The following HSPG2 variants were observed in gnomAD, a reference collection of about 807,000 sequenced individuals.
HSPG2 encodes heparan sulfate proteoglycan 2, also known as basement membrane-specific heparan sulfate proteoglycan core protein.
Under a neutral mutation model 526.6 loss-of-function variants are expected in HSPG2, and 278 were observed. That is an observed-to-expected ratio of 0.53 (90% CI 0.48 to 0.58). HSPG2 has a LOEUF of 0.58. HSPG2 is among the 20% of genes least tolerant of loss of function. The probability of loss-of-function intolerance (pLI) is 0.00; values close to 1 mark genes in which losing one functional copy is unlikely to be tolerated. For synonymous variants in HSPG2, 2,465 were observed against 2,555.4 expected, an observed-to-expected ratio of 0.96 and a Z score of 1.07; for missense variants, 5,354 against 6,099.5, an observed-to-expected ratio of 0.88 and a Z score of 4.07.
intron 1 of HSPG2, among the ~76,000 whole-genome samples, chr1:21,931,335 G>A (rs1327687583): frequency 6.6e-6 from 1 of 152,258 alleles, no homozygotes; most frequent in African/African-American, 2.4e-5. Context: ...AGCCAGCTCT[G>A]GGTGCTGGGG....
At chr1:21,935,330 A>T (rs1644460970) in intron 1 of HSPG2, among the ~76,000 whole-genome samples, 1 of 152,190 alleles carries the variant, frequency 6.6e-6, no homozygotes, top group Non-Finnish European at 1.5e-5. Flanking sequence ...CTCTAATCCC[A>T]CAGGATTGGA....
At chr1:21,926,650 C>A (rs986673674) in intron 1 of HSPG2, among the ~76,000 whole-genome samples, 1 of 150,314 alleles carries the variant, frequency 6.7e-6, no homozygotes, top group Admixed American at 6.7e-5. Context: ...ATCCCTGCTA[C>A]CAGGGAGGCT....
intron 13 of HSPG2, 43 bp downstream of exon 13, chr1:21,884,485 C>A (rs971646774): frequency 6.8e-6 from 11 of 1,609,954 alleles, no homozygotes; most frequent in Non-Finnish European, 9.3e-6. Context: ...ACAGAGGTAC[C>A]CACCTCCCAC....
At chr1:21,878,093 G>T in intron 21 of HSPG2, 93 bp downstream of exon 21, 1 of 1,188,922 alleles carries the variant, frequency 8.4e-7, no homozygotes, top group Non-Finnish European at 1.2e-6. Flanking sequence ...CACTGGCCAA[G>T]GATCTATGGA....
rs928231983 is a variant in HSPG2, at chr1:21,918,186, C to T, written c.63+18969G>A. Reference sequence around the variant, plus strand: ...ACCTCTGTAAAATGGGACAACAGGCCGTGTGCAGTTGCTCACGTCTGTAAT... The same window carrying T: ...ACCTCTGTAAAATGGGACAACAGGCTGTGTGCAGTTGCTCACGTCTGTAAT... On this transcript the variant is annotated intron_variant, in intron 1 of 96. Transcript: ENST00000374695. Among the ~76,000 whole-genome samples, 5 of 152,224 alleles carry T rather than the reference C, an allele frequency of 3.3e-5. No individual in the cohort carries two copies. In the East Asian group the frequency reaches 7.7e-4, roughly 24 times the overall value.
At chr1:21,856,005 C>G in intron 44 of HSPG2, 93 bp from the exon 45 acceptor site, 1 of 1,541,592 alleles carries the variant, frequency 6.5e-7, no homozygotes. Flanking sequence ...TGCTTCCAGG[C>G]TAGCCCTCCA....
At chr1:21,886,820 T>C (rs1246662326) in intron 9 of HSPG2, among the ~76,000 whole-genome samples, 2 of 152,062 alleles carry the variant, frequency 1.3e-5, no homozygotes, top group African/African-American at 4.8e-5. Context: ...CTGACTTGCA[T>C]ACATACACCA....
chr1:21,914,066 T>C (rs1300693936), intron 1 of HSPG2, among the ~76,000 whole-genome samples: 2 of 152,104 alleles, frequency 1.3e-5, no homozygotes, highest in African/African-American at 4.8e-5. Flanking sequence ...CTATTAGGTA[T>C]TGGGAAGTAT....
In HSPG2 at chr1:21,851,832, G is replaced by C; in HGVS notation, c.6965C>G (p.Thr2322Arg). ...RASNGMEASI[T>R]VTVTGTQGAN... ...CCCCTGGGTCCCAGTTACTGTGACCGTGATGGAGGCCTCCATGCCGTTGCT... is the reference window on the plus strand; with the variant it reads ...CCCCTGGGTCCCAGTTACTGTGACCCTGATGGAGGCCTCCATGCCGTTGCT... Residue 2322 changes from threonine to arginine, a missense_variant, in exon 54 of 97, where the codon ACG (threonine) becomes AGG (arginine). Physicochemically the swap from Thr to Arg is moderately conservative, Grantham distance 71. Transcript: ENST00000374695. 1.9e-6 allele frequency: 3 copies of C among 1,613,630 alleles called. No individual in the cohort carries two copies. Among genetic ancestry groups the C allele is most frequent in the Non-Finnish European group, 2.5e-6 (3 of 1,179,962 alleles).
rs1160147286 is a variant in HSPG2 at position 21,916,691 on chromosome 1, C to A, written c.64-20381G>T. 4.2e-3 allele frequency among the ~76,000 whole-genome samples: 572 copies of A among 134,806 alleles called. 1 individual carries two copies. The highest frequency in any genetic ancestry group is 6.0e-3 in the Non-Finnish European group (380 of 63,696). 88.4% of individuals were successfully genotyped at this position (134,806 alleles called of 152,430 possible). A position where few individuals can be genotyped will look rare whatever the true frequency, so the allele number is the denominator to read the frequency against. On this transcript the variant is annotated intron_variant, in intron 1 of 96. Coordinates refer to ENST00000374695, the MANE Select transcript of HSPG2 (RefSeq NM_005529.7). ...CAGGCGACAGTGCGAGACTCCATCT[C>A]AAAAAAAAAAAAAAGAAACTGAATT...
At chr1:21,936,513 G>C (rs1644492717) in intron 1 of HSPG2, among the ~76,000 whole-genome samples, 1 of 152,158 alleles carries the variant, frequency 6.6e-6, no homozygotes, top group South Asian at 2.1e-4. Flanking sequence ...GAGTTCCCTT[G>C]ACCCACGTGG....
rs1382315251 is a variant in HSPG2 at position 21,852,102 on chromosome 1, G to A, written c.6856C>T (p.Pro2286Ser). 6.2e-7 allele frequency: 1 copy of A among 1,613,606 alleles called. No homozygotes were observed. Among genetic ancestry groups the A allele is most frequent in the African/African-American group, 1.3e-5 (1 of 75,046 alleles). Residue 2286 changes from proline (P) to serine (S), a missense_variant, in exon 53 of 97, where the codon CCT becomes TCT. Physicochemically the swap from Pro to Ser is moderately conservative, Grantham distance 74. Coordinates refer to ENST00000374695, the MANE Select transcript of HSPG2 (RefSeq NM_005529.7). ...VTWYKRGGSLPARHQVRGSRL... is the reference protein window; with the variant it reads ...VTWYKRGGSLSARHQVRGSRL... ...GTGCCCTGTACCTGGTGCCGGGCAG[G>A]GAGGCTGCCCCCACGCTTGTACCAT...
At chr1:21,922,638 G>A (rs1487679268) in intron 1 of HSPG2, among the ~76,000 whole-genome samples, 2 of 152,180 alleles carry the variant, frequency 1.3e-5, no homozygotes, top group Non-Finnish European at 2.9e-5. Context: ...ATGAGGTGGA[G>A]GTGTGGGGGG....
In HSPG2 at chr1:21,851,325, G is replaced by T. The variant is rs1182837181; in HGVS notation, c.7158+221C>A. The T allele has an allele frequency of 4.8e-6, 3 of 628,968 alleles. No individual in the cohort carries two copies. In the East Asian group the frequency reaches 8.3e-5, roughly 17 times the overall value. The allele number at this position is 628,968 out of a possible 1,614,324, so 39.0% of individuals were successfully genotyped here. A position where few individuals can be genotyped will look rare whatever the true frequency, so the allele number is the denominator to read the frequency against. ...GGCCCTGAAACTATAGCACAGAGAG[G>T]TTAAGTAACTTGTCCGAGGTCACAA... On this transcript the variant is annotated intron_variant, in intron 55 of 96. Coordinates refer to ENST00000374695, the MANE Select transcript of HSPG2 (RefSeq NM_005529.7).
chr1:21,917,029 C>G (rs1643902190), intron 1 of HSPG2, among the ~76,000 whole-genome samples: 1 of 152,220 alleles, frequency 6.6e-6, no homozygotes, highest in African/African-American at 2.4e-5. Flanking sequence ...ATCAAGATAT[C>G]AAGTCTGTCT....
chr1:21,828,511 G>C lies in HSPG2; in HGVS notation c.12238-85C>G. On this transcript the variant is annotated intron_variant, in intron 88 of 96. Transcript: ENST00000374695. This position sits in a 1 kb window ranked among gnomAD's most constrained non-coding sequence, Gnocchi z 6.0. ...CCAGCAGGGAGAAGAATGCAGCAGA[G>C]GGGAGCTGGGAGCCCACATTGGGCC... 7.0e-7 allele frequency: 1 copy of C among 1,434,956 alleles called. No individual in the cohort carries two copies. Among genetic ancestry groups the C allele is most frequent in the Admixed American group, 1.7e-5 (1 of 57,646 alleles). The allele number at this position is 1,434,956 out of a possible 1,614,324, so 88.9% of individuals were successfully genotyped here.
chr1:21,933,249 C>A lies in HSPG2; in HGVS notation c.63+3906G>T, dbSNP rs116487251. Among the ~76,000 whole-genome samples the A allele has an allele frequency of 8.0e-3, 1,209 of 151,140 alleles. 22 individuals are homozygous for A. Among genetic ancestry groups the A allele is most frequent in the African/African-American group, 0.027 (1,128 of 41,202 alleles). The stretch of plus-strand genomic sequence containing the variant: ...AAAAAAAAAAGAAAAGAAAAAGAAA[C>A]AAAGACTGGTATAGCTGGAGGAGTT... On this transcript the variant is annotated intron_variant, in intron 1 of 96. Coordinates refer to ENST00000374695, the MANE Select transcript of HSPG2 (RefSeq NM_005529.7).
chr1:21,832,047 G>A (rs541582471), intron 81 of HSPG2, among the ~76,000 whole-genome samples: 22 of 152,208 alleles, frequency 1.4e-4, no homozygotes, highest in Middle Eastern at 3.4e-3. Context: ...CAGGCTCAGC[G>A]CCCTGCAGCC....
chr1:21,890,204 T>C lies in HSPG2; in HGVS notation c.414-63A>G, dbSNP rs1363921128. 3 of 1,592,494 alleles carry C rather than the reference T, an allele frequency of 1.9e-6. No homozygotes were observed. In the African/African-American group the frequency reaches 4.0e-5, roughly 21 times the overall value. The stretch of plus-strand genomic sequence containing the variant: ...GACACCTGTGTTCTCAGCTCCTCCA[T>C]GAGGCTCCCGCCCCGACGCTCAGGC... On this transcript the variant is annotated intron_variant, in intron 5 of 96. Transcript: ENST00000374695. This position sits in a 1 kb window ranked among gnomAD's most constrained non-coding sequence, Gnocchi z 4.1.
Sources: allele counts gnomAD v4.1 joint callset (sites outside exome capture counted in the v4.1 genomes callset), GRCh38; gene constraint gnomAD v4.1.1; non-coding constraint Gnocchi (gnomAD v3.1); transcripts MANE v1.5; gene names NCBI Gene and HGNC (gene_info 2026-07-23, HGNC 2026-07-21).